TMEM178B: variants seen among roughly 807,000 people sequenced by gnomAD.
The protein encoded by TMEM178B is transmembrane protein 178B.
In TMEM178B, 5 loss-of-function variants were observed where a neutral mutation model predicts 31.0. The observed-to-expected ratio is 0.16, with a 90% CI of 0.08 to 0.34. The LOEUF is 0.34. TMEM178B is among the 10% of genes least tolerant of loss of function. The pLI is 1.00. For missense variants in TMEM178B, 275 were observed against 400.3 expected (o/e 0.69, Z 2.67); for synonymous variants, 164 against 164.0 (o/e 1.00, Z 0.00).
chr7:141,400,034 A>C (rs561693681), intron 2 of TMEM178B, among the ~76,000 whole-genome samples: 1 of 152,326 alleles, frequency 6.6e-6, no homozygotes, highest in African/African-American at 2.4e-5. Flanking sequence ...GGGAACACAA[A>C]GATAAATAGA....
At chr7:141,221,203 C>G (rs1232462561) in intron 2 of TMEM178B, among the ~76,000 whole-genome samples, 1 of 152,190 alleles carries the variant, frequency 6.6e-6, no homozygotes, top group Non-Finnish European at 1.5e-5. Context: ...CTTCTTTGTC[C>G]TCTAGGGGAA....
chr7:141,509,708 G>A, the TMEM178B span, among the ~76,000 whole-genome samples: 1 of 152,104 alleles, frequency 6.6e-6, no homozygotes, highest in Admixed American at 6.6e-5. Context: ...GAAGGGAAAG[G>A]TACACTGAGC....
chr7:141,294,849 C>T (rs564483205), intron 2 of TMEM178B, among the ~76,000 whole-genome samples: 22 of 152,288 alleles, frequency 1.4e-4, no homozygotes, highest in African/African-American at 4.3e-4. Context: ...CTGCCTTTTC[C>T]GCCTTTCAGC....
chr7:141,218,549 C>G (rs1312878326), intron 2 of TMEM178B, among the ~76,000 whole-genome samples: 2 of 152,282 alleles, frequency 1.3e-5, no homozygotes, highest in South Asian at 2.1e-4. Flanking sequence ...CAGTCCTGAC[C>G]CCAGGCTGGT....
chr7:141,308,433 C>G (rs1278564959), intron 2 of TMEM178B, among the ~76,000 whole-genome samples: 2 of 152,166 alleles, frequency 1.3e-5, no homozygotes, highest in Non-Finnish European at 2.9e-5. Flanking sequence ...GGGTCTCACT[C>G]TGTGCCCCAG....
chr7:141,416,423 T>G (rs1801097510), intron 2 of TMEM178B: 1 of 152,662 alleles, frequency 6.6e-6, no homozygotes, highest in African/African-American at 2.4e-5. Flanking sequence ...GTATAAAGAC[T>G]CCATGAGCTA....
the TMEM178B span, among the ~76,000 whole-genome samples, chr7:141,497,214 G>A: frequency 3.5e-3 from 536 of 152,262 alleles, 2 homozygotes; most frequent in African/African-American, 1.0e-2. Context: ...CTCAGGCAGG[G>A]GATCTTTACC....
intron 1 of TMEM178B, among the ~76,000 whole-genome samples, chr7:141,160,055 AAT>A (rs71915733): frequency 0.72 from 106,642 of 147,100 alleles, 39,285 homozygotes; most frequent in African/African-American, 0.84. Flanking sequence ...ATCAATATAT[AAT>A]ATATATATAT....
chr7:141,197,462 A>G (rs1387103373), intron 1 of TMEM178B, among the ~76,000 whole-genome samples: 2 of 152,226 alleles, frequency 1.3e-5, no homozygotes, highest in African/African-American at 4.8e-5. Context: ...CATTGCAACT[A>G]GGGAGTCAGG....
rs571653164 is a variant in TMEM178B, at chr7:141,461,270, AGCGACCTGTAGG to A, written c.635-9263_635-9252del. Among the ~76,000 whole-genome samples the A allele has an allele frequency of 5.3e-5, 8 of 152,176 alleles. No individual in the cohort carries two copies. The highest frequency in any genetic ancestry group is 8.8e-5 in the Non-Finnish European group (6 of 68,036). On this transcript the variant is annotated intron_variant, in intron 3 of 3. Transcript: ENST00000565468. The surrounding 1 kb of genome is among the most constrained non-coding windows in gnomAD (Gnocchi z 4.0). ...GGTGTTTCTGCAGAGCCTGCCTTGC[AGCGACCTGTAGG>A]GCTCCAGTCAGAACATAGGCCCTCT...
chr7:141,180,706 A>G (rs542107727), intron 1 of TMEM178B, among the ~76,000 whole-genome samples: 2 of 152,282 alleles, frequency 1.3e-5, no homozygotes, highest in African/African-American at 2.4e-5. Flanking sequence ...TTAGTTTTCA[A>G]TACCACCTTG....
Position 141,243,858 on chromosome 7 carries a change from G to A in TMEM178B, c.496+31154G>A, listed in dbSNP as rs543647338. Among the ~76,000 whole-genome samples, 4 of 152,186 alleles carry A rather than the reference G, an allele frequency of 2.6e-5. No homozygotes were observed. In the South Asian group the frequency reaches 6.2e-4, roughly 24 times the overall value. ...TTCACTCCTGGAATAATTCAAGTCC[G>A]TGTGGACCATTTTTGCTTGACCTGT... On this transcript the variant is annotated intron_variant, in intron 2 of 3. Coordinates refer to ENST00000565468, the MANE Select transcript of TMEM178B (RefSeq NM_001195278.2).
intron 2 of TMEM178B, among the ~76,000 whole-genome samples, chr7:141,371,911 T>A (rs1362626654): frequency 2.0e-5 from 3 of 152,248 alleles, no homozygotes; most frequent in Non-Finnish European, 4.4e-5. Context: ...ACTTCTCATC[T>A]TCTTTATTTC....
intron 1 of TMEM178B, among the ~76,000 whole-genome samples, chr7:141,106,520 G>C (rs1452628760): frequency 6.6e-6 from 1 of 152,162 alleles, no homozygotes; most frequent in Non-Finnish European, 1.5e-5. Context: ...TTCCTCTTTG[G>C]AGTAGGTTGA....
intron 1 of TMEM178B, among the ~76,000 whole-genome samples, chr7:141,203,320 G>A (rs778882755): frequency 5.9e-5 from 9 of 152,124 alleles, no homozygotes; most frequent in Non-Finnish European, 1.2e-4. Context: ...GGGCTAGAAA[G>A]TCTAAGAACT....
chr7:141,117,690 G>A (rs184653337), intron 1 of TMEM178B, among the ~76,000 whole-genome samples: 157 of 152,320 alleles, frequency 1.0e-3, no homozygotes, highest in African/African-American at 3.7e-3. Flanking sequence ...TTTTGTATAA[G>A]GTGTAAGGAA....
intron 1 of TMEM178B, among the ~76,000 whole-genome samples, chr7:141,170,236 A>G (rs951920386): frequency 4.6e-5 from 7 of 152,088 alleles, no homozygotes; most frequent in Non-Finnish European, 7.4e-5. Flanking sequence ...ATATGTTTGT[A>G]TTAATTTATT....
chr7:141,425,804 C>A (rs1381503284), intron 2 of TMEM178B, among the ~76,000 whole-genome samples: 3 of 152,078 alleles, frequency 2.0e-5, no homozygotes, highest in African/African-American at 7.2e-5. Context: ...CATATAATAT[C>A]CCTATTTAGA....
At chr7:141,184,477 A>G (rs1796576613) in intron 1 of TMEM178B, among the ~76,000 whole-genome samples, 1 of 152,114 alleles carries the variant, frequency 6.6e-6, no homozygotes, top group African/African-American at 2.4e-5. Context: ...CCTCTCTGCC[A>G]GCAAGACCCA....
Sources: allele counts gnomAD v4.1 joint callset (sites outside exome capture counted in the v4.1 genomes callset), GRCh38; gene constraint gnomAD v4.1.1; non-coding constraint Gnocchi (gnomAD v3.1); transcripts MANE v1.5; gene names NCBI Gene and HGNC (gene_info 2026-07-23, HGNC 2026-07-21).